The following PARD3 variants were observed in gnomAD, a reference collection of about 807,000 sequenced individuals.
PARD3 encodes the protein partitioning defective 3 homolog.
In PARD3, 75 loss-of-function variants were observed where a neutral mutation model predicts 155.4. The ratio of observed to expected loss-of-function variants is 0.48; its 90% CI spans 0.40 to 0.58. The LOEUF (loss-of-function observed/expected upper bound fraction) is 0.58, where lower values mean the gene tolerates loss of function less well. PARD3 is among the 20% of genes least tolerant of loss of function. PARD3 has a pLI of 0.00. For missense variants in PARD3, 1,642 were observed against 1,721.7 expected, an observed-to-expected ratio of 0.95 and a Z score of 0.82; for synonymous variants, 576 against 610.5, an observed-to-expected ratio of 0.94 and a Z score of 0.83.
chr10:34,303,759 T>C (rs2134038621), intron 20 of PARD3, among the ~76,000 whole-genome samples: 1 of 152,154 alleles, frequency 6.6e-6, no homozygotes, highest in East Asian at 1.9e-4. Context: ...GGTGAGCCAG[T>C]GTACCCACCA....
chr10:34,607,620 T>G (rs1003475695), intron 2 of PARD3, among the ~76,000 whole-genome samples: 1 of 152,212 alleles, frequency 6.6e-6, no homozygotes, highest in Non-Finnish European at 1.5e-5. Context: ...AATATGTTGG[T>G]AAAAGGCAGG....
chr10:34,652,349 G>T (rs2133066245), intron 2 of PARD3, among the ~76,000 whole-genome samples: 1 of 152,276 alleles, frequency 6.6e-6, no homozygotes, highest in Non-Finnish European at 1.5e-5. Flanking sequence ...AAAGAATAAT[G>T]GCCCAAGAAG....
intron 1 of PARD3, among the ~76,000 whole-genome samples, chr10:34,793,598 C>T (rs11009937): frequency 0.19 from 28,329 of 152,030 alleles, 3,051 homozygotes; most frequent in South Asian, 0.34. Flanking sequence ...ACCAGCCTGA[C>T]CAACATGGAG....
chr10:34,726,323 C>A (rs751027992), intron 1 of PARD3, among the ~76,000 whole-genome samples: 1 of 152,160 alleles, frequency 6.6e-6, no homozygotes, highest in Non-Finnish European at 1.5e-5. Context: ...CAGTGGCTCA[C>A]GCCTGTAATC....
chr10:34,161,872 C>A (rs1194287158), intron 22 of PARD3, among the ~76,000 whole-genome samples: 3 of 152,202 alleles, frequency 2.0e-5, no homozygotes, highest in Non-Finnish European at 4.4e-5. Context: ...TTAAAGCCTG[C>A]ACTGCTCGAC....
intron 1 of PARD3, among the ~76,000 whole-genome samples, chr10:34,704,921 T>A (rs1270773546): frequency 6.6e-6 from 1 of 152,196 alleles, no homozygotes; most frequent in Non-Finnish European, 1.5e-5. Flanking sequence ...TTTGTTTTGT[T>A]TTTAAAAATG....
At chr10:34,666,777 T>TCAAAAAAAAAAAAAAAAAA (rs1554804561) in intron 2 of PARD3, among the ~76,000 whole-genome samples, 1 of 17,032 alleles carries the variant, frequency 5.9e-5, no homozygotes, top group East Asian at 3.9e-3. Context: ...CCCCTCCCCC[T>TCAAAAAAAAAAAAAAAAAA]AAAAAAAAAA....
chr10:34,235,744 T>C (rs1953192362), intron 22 of PARD3, among the ~76,000 whole-genome samples: 2 of 152,202 alleles, frequency 1.3e-5, no homozygotes, highest in African/African-American at 2.4e-5. Flanking sequence ...TGCATATGTA[T>C]GAAGAAGGAA....
intron 2 of PARD3, among the ~76,000 whole-genome samples, chr10:34,523,445 G>A (rs2082277672): frequency 6.6e-6 from 1 of 152,122 alleles, no homozygotes; most frequent in Non-Finnish European, 1.5e-5. Flanking sequence ...CTTTTAAAAA[G>A]GCATCATATT....
chr10:34,391,132 C>A (rs781760138), intron 7 of PARD3, among the ~76,000 whole-genome samples: 3 of 152,090 alleles, frequency 2.0e-5, no homozygotes, highest in Non-Finnish European at 4.4e-5. Context: ...TGTCAAAATG[C>A]CCACTTAACC....
chr10:34,326,460 G>C (rs1835042442), intron 19 of PARD3, among the ~76,000 whole-genome samples: 1 of 152,120 alleles, frequency 6.6e-6, no homozygotes, highest in Non-Finnish European at 1.5e-5. Context: ...AACCAAATAG[G>C]AAACAGTTTA....
Position 34,472,522 on chromosome 10 carries a change from C to G in PARD3, c.404-2259G>C, listed in dbSNP as rs555555804. Reference sequence around the variant, plus strand: ...AAATGGGGAGAGGTGGGCAGGAAAACTCTAAAAACTTTTAGACAATGTTAT... The same window carrying G: ...AAATGGGGAGAGGTGGGCAGGAAAAGTCTAAAAACTTTTAGACAATGTTAT... On this transcript the variant is annotated intron_variant, in intron 3 of 24. Coordinates refer to ENST00000374788, the MANE Select transcript of PARD3 (RefSeq NM_001184785.2). Among the ~76,000 whole-genome samples, 103 of 152,256 alleles carry G rather than the reference C, an allele frequency of 6.8e-4. 1 individual carries two copies. The South Asian group carries it at 7.7e-3, about 11-fold the overall frequency.
At chr10:34,284,309 T>C (rs1956288647) in intron 20 of PARD3, 64 bp from the exon 21 acceptor site, 2 of 902,036 alleles carry the variant, frequency 2.2e-6, no homozygotes, top group Non-Finnish European at 3.6e-6. Context: ...TTGTTTGTGG[T>C]AATGACATAT....
intron 1 of PARD3, among the ~76,000 whole-genome samples, chr10:34,715,625 C>A (rs140218767): frequency 1.2e-3 from 176 of 152,300 alleles, no homozygotes; most frequent in African/African-American, 4.0e-3. Flanking sequence ...TATGCCCAGT[C>A]CCCCCAAAGC....
At chr10:34,447,075 T>C (rs989979271) in intron 5 of PARD3, among the ~76,000 whole-genome samples, 3 of 152,316 alleles carry the variant, frequency 2.0e-5, no homozygotes, top group Admixed American at 6.5e-5. Context: ...AACAAACACG[T>C]GGCTTTTTAT....
chr10:34,451,610 G>T (rs1001292202), intron 4 of PARD3, among the ~76,000 whole-genome samples: 6 of 152,052 alleles, frequency 3.9e-5, no homozygotes, highest in African/African-American at 1.4e-4. Context: ...TGAATTGATA[G>T]TATTGGGTTT....
intron 1 of PARD3, among the ~76,000 whole-genome samples, chr10:34,725,895 T>C (rs2094700286): frequency 6.6e-6 from 1 of 152,148 alleles, no homozygotes; most frequent in Non-Finnish European, 1.5e-5. Flanking sequence ...CTGTCTTGAG[T>C]GAATGCGTTT....
At chr10:34,740,523 A>G (rs1564567464) in intron 1 of PARD3, among the ~76,000 whole-genome samples, 1 of 152,096 alleles carries the variant, frequency 6.6e-6, no homozygotes, top group Non-Finnish European at 1.5e-5. Context: ...AGTGAGTGAT[A>G]GGACTGTAAC....
intron 23 of PARD3, among the ~76,000 whole-genome samples, chr10:34,127,915 A>C (rs185040837): frequency 3.8e-4 from 58 of 152,354 alleles, no homozygotes; most frequent in African/African-American, 1.3e-3. Flanking sequence ...TATGCCAAAC[A>C]ATATAAGCAG....
Sources: allele counts gnomAD v4.1 joint callset (sites outside exome capture counted in the v4.1 genomes callset), GRCh38; gene constraint gnomAD v4.1.1; transcripts MANE v1.5; gene names NCBI Gene and HGNC (gene_info 2026-07-23, HGNC 2026-07-21).